IGSF3: variants seen among roughly 807,000 people sequenced by gnomAD.
IGSF3 encodes glu-Trp-Ile EWI motif-containing protein 3.
In IGSF3, 23 loss-of-function variants were observed where a neutral mutation model predicts 114.4. The observed-to-expected ratio is 0.20, with a 90% CI of 0.14 to 0.28. IGSF3 has a LOEUF of 0.28. Ranked by LOEUF, IGSF3 falls within the 10% of genes least tolerant of loss-of-function variation. The probability of loss-of-function intolerance (pLI) is 1.00; values close to 1 mark genes in which losing one functional copy is unlikely to be tolerated. For missense variants in IGSF3, 1,172 were observed against 1,591.5 expected (o/e 0.74, Z 4.48); for synonymous variants, 571 against 645.2 (o/e 0.88, Z 1.74).
At chr1:116,645,278 C>G (rs1226528096) in intron 2 of IGSF3, among the ~76,000 whole-genome samples, 1 of 152,216 alleles carries the variant, frequency 6.6e-6, no homozygotes, top group African/African-American at 2.4e-5. Flanking sequence ...TGTAGGATGC[C>G]ATGTGCATCA....
rs1322126037 is a variant in IGSF3 at position 116,576,776 on chromosome 1, G to A, written c.*536C>T. ...ACACTACACACAATTCTTAAGTCTT[G>A]TTAAGAAAGTAAAAAACGTTTGGGT... On this transcript the variant is annotated 3_prime_UTR_variant, in exon 11 of 11. Transcript: ENST00000369486. The surrounding 1 kb of genome is among the most constrained non-coding windows in gnomAD (Gnocchi z 4.6). The A allele has an allele frequency of 3.3e-5, 5 of 153,488 alleles. No homozygotes were observed. The highest frequency in any genetic ancestry group is 1.2e-4 in the African/African-American group (5 of 41,422). 9.5% of individuals were successfully genotyped at this position (153,488 alleles called of 1,614,324 possible). A position where few individuals can be genotyped will look rare whatever the true frequency, so the allele number is the denominator to read the frequency against.
At position 116,636,748 on chromosome 1, in the gene IGSF3, T is replaced by C. The variant is rs1373052387; in HGVS notation, c.44-20291A>G. 6.6e-6 allele frequency among the ~76,000 whole-genome samples: 1 copy of C among 152,050 alleles called. No homozygotes were observed. On this transcript the variant is annotated intron_variant, in intron 2 of 10. Coordinates refer to ENST00000369486, the MANE Select transcript of IGSF3 (RefSeq NM_001007237.3). The surrounding 1 kb of genome is among the most constrained non-coding windows in gnomAD (Gnocchi z 4.5). The stretch of plus-strand genomic sequence containing the variant: ...GCCCTCCTTCTGTCCCACCCAGCTT[T>C]CTCACCACCCACCCCACCCCTTCCA...
chr1:116,610,632 T>A lies in IGSF3; in HGVS notation c.833-2301A>T, dbSNP rs1660984351. ...AGCAGGTTGAGGCCTCTGAGCCTGCTCCATGATCCCTTCTCTCCTGCTCTT... is the reference window on the plus strand; with the variant it reads ...AGCAGGTTGAGGCCTCTGAGCCTGCACCATGATCCCTTCTCTCCTGCTCTT... On this transcript the variant is annotated intron_variant, in intron 4 of 10. Transcript: ENST00000369486. The surrounding 1 kb of genome is among the most constrained non-coding windows in gnomAD (Gnocchi z 4.3). 1.3e-5 allele frequency among the ~76,000 whole-genome samples: 2 copies of A among 152,128 alleles called. No individual in the cohort carries two copies. Among genetic ancestry groups the A allele is most frequent in the Admixed American group, 6.5e-5 (1 of 15,288 alleles).
At chr1:116,663,314 G>A (rs369125109) in intron 2 of IGSF3, among the ~76,000 whole-genome samples, 1 of 152,168 alleles carries the variant, frequency 6.6e-6, no homozygotes, top group African/African-American at 2.4e-5. Flanking sequence ...CATGCAGGCT[G>A]CTCCCAGACA....
chr1:116,620,081 T>G (rs1297090480), intron 2 of IGSF3, among the ~76,000 whole-genome samples: 3 of 152,214 alleles, frequency 2.0e-5, no homozygotes, highest in African/African-American at 4.8e-5. Flanking sequence ...AGTATTTATA[T>G]ATATATACAT....
In IGSF3 at chr1:116,605,826, GAAGA is replaced by G; in HGVS notation, c.1223-1805_1223-1802del. Among the ~76,000 whole-genome samples, 1 of 152,236 alleles carries G rather than the reference GAAGA, an allele frequency of 6.6e-6. No individual in the cohort carries two copies. The highest frequency in any genetic ancestry group is 1.5e-5 in the Non-Finnish European group (1 of 68,036). ...AAAATCCTTTCACTTGTATTAAGCAGAAGAATGACTTGCAGGACCTCACTCTCAT... is the reference window on the plus strand; with the variant it reads ...AAAATCCTTTCACTTGTATTAAGCAGATGACTTGCAGGACCTCACTCTCAT... On this transcript the variant is annotated intron_variant, in intron 5 of 10. Transcript: ENST00000369486. This position sits in a 1 kb window ranked among gnomAD's most constrained non-coding sequence, Gnocchi z 5.1.
In IGSF3 at chr1:116,626,272, A is replaced by G. The variant is rs368018368; in HGVS notation, c.44-9815T>C. 2.2e-3 allele frequency among the ~76,000 whole-genome samples: 341 copies of G among 152,216 alleles called. 1 individual carries two copies. The highest frequency in any genetic ancestry group is 7.8e-3 in the African/African-American group (323 of 41,498). On this transcript the variant is annotated intron_variant, in intron 2 of 10. Transcript: ENST00000369486. ...AGACTTAAAAAAAAAATGCTTTTATATCCAGATATATGTAACCACTGAAAA... is the reference window on the plus strand; with the variant it reads ...AGACTTAAAAAAAAAATGCTTTTATGTCCAGATATATGTAACCACTGAAAA...
rs1194966271 is a variant in IGSF3 at position 116,654,592 on chromosome 1, T to C, written c.43+11692A>G. On this transcript the variant is annotated intron_variant, in intron 2 of 10. Transcript: ENST00000369486. The surrounding 1 kb of genome is among the most constrained non-coding windows in gnomAD (Gnocchi z 4.4). ...GGAGGCCACACTGCAGGAGGCAAAGTATGAGGTGGGGAAGATGGATTGGCC... is the reference window on the plus strand; with the variant it reads ...GGAGGCCACACTGCAGGAGGCAAAGCATGAGGTGGGGAAGATGGATTGGCC... Among the ~76,000 whole-genome samples, 2 of 152,088 alleles carry C rather than the reference T, an allele frequency of 1.3e-5. No homozygotes were observed. The highest frequency in any genetic ancestry group is 2.1e-4 in the South Asian group (1 of 4,826).
At chr1:116,667,021 C>T (rs1370515215) in intron 1 of IGSF3, 65 bp from the exon 2 acceptor site, 1 of 396,454 alleles carries the variant, frequency 2.5e-6, no homozygotes, top group Admixed American at 4.4e-5. Flanking sequence ...GGGCTGAGCG[C>T]TGAGCTGGTC....
rs1280319329 is a variant in IGSF3 at position 116,634,788 on chromosome 1, GGCT to G, written c.44-18334_44-18332del. On this transcript the variant is annotated intron_variant, in intron 2 of 10. Coordinates refer to ENST00000369486, the MANE Select transcript of IGSF3 (RefSeq NM_001007237.3). This position sits in a 1 kb window ranked among gnomAD's most constrained non-coding sequence, Gnocchi z 4.2. ...TAGAAGTGACACTCTGTGACCTTAA[GGCT>G]AGGTCACAAACAGGGAACGCAGCTT... 2.1e-4 allele frequency among the ~76,000 whole-genome samples: 32 copies of G among 152,204 alleles called. No homozygotes were observed. Among genetic ancestry groups the G allele is most frequent in the African/African-American group, 7.7e-4 (32 of 41,528 alleles).
Position 116,603,870 on chromosome 1 carries a change from T to C in IGSF3, c.1378A>G (p.Ile460Val), listed in dbSNP as rs1211234475. 6.2e-7 allele frequency: 1 copy of C among 1,614,052 alleles called. No homozygotes were observed. Residue 460 changes from isoleucine (I) to valine (V), a missense_variant, in exon 6 of 11, where the codon ATC becomes GTC. By Grantham distance (29) the Ile-to-Val change is conservative. Around this residue, in one of 3 missense-constraint regions of IGSF3, gnomAD observed 736 missense variants for 1,042.0 expected, o/e 0.71. Transcript: ENST00000369486. The surrounding 1 kb of genome is among the most constrained non-coding windows in gnomAD (Gnocchi z 7.1). Reference protein sequence around the residue: ...LVDRQNRRSNIMWLDRDGTVQ... With the variant: ...LVDRQNRRSNVMWLDRDGTVQ... ...GTGCCATCCCGGTCTAGCCACATGA[T>C]ATTGCTGCGGCGGTTCTGCCTGTCC...
rs1392095826 is a variant in IGSF3, at chr1:116,636,073, GTCT to G, written c.44-19619_44-19617del. ...TACACCTCCACTCGCCAGAACAACT[GTCT>G]TCCTCACAGGTGCCAGCCATCACCC... is the stretch of plus-strand genomic sequence containing the variant. On this transcript the variant is annotated intron_variant, in intron 2 of 10. Coordinates refer to ENST00000369486, the MANE Select transcript of IGSF3 (RefSeq NM_001007237.3). The surrounding 1 kb of genome is among the most constrained non-coding windows in gnomAD (Gnocchi z 4.5). 1.3e-5 allele frequency among the ~76,000 whole-genome samples: 2 copies of G among 152,144 alleles called. No individual in the cohort carries two copies. The highest frequency in any genetic ancestry group is 4.8e-5 in the African/African-American group (2 of 41,420).
rs200837113 is a variant in IGSF3 at position 116,579,659 on chromosome 1, C to T, written c.3067G>A (p.Asp1023Asn). Residue 1023 changes from aspartate (D) to asparagine (N), a missense_variant, in exon 10 of 11, where the codon GAC becomes AAC. Coordinates refer to ENST00000369486, the MANE Select transcript of IGSF3 (RefSeq NM_001007237.3). This position sits in a 1 kb window ranked among gnomAD's most constrained non-coding sequence, Gnocchi z 6.4. ...GTCCGCTCTGTTGGGTCGTCGTCGT[C>T]GTCGTCGTCCTCCTCCTCCTCCTCC... The part of the protein sequence containing the change: ...REEEEEEDDD[D>N]DDDPTERTAL... 1.7e-5 allele frequency: 27 copies of T among 1,584,986 alleles called. No homozygotes were observed. Among genetic ancestry groups the T allele is most frequent in the African/African-American group, 6.8e-5 (5 of 72,996 alleles).
chr1:116,642,722 G>A lies in IGSF3; in HGVS notation c.43+23562C>T, dbSNP rs1648165117. 6.6e-6 allele frequency among the ~76,000 whole-genome samples: 1 copy of A among 152,346 alleles called. No homozygotes were observed. Among genetic ancestry groups the A allele is most frequent in the African/African-American group, 2.4e-5 (1 of 41,578 alleles). On this transcript the variant is annotated intron_variant, in intron 2 of 10. Coordinates refer to ENST00000369486, the MANE Select transcript of IGSF3 (RefSeq NM_001007237.3). The surrounding 1 kb of genome is among the most constrained non-coding windows in gnomAD (Gnocchi z 5.4). The stretch of plus-strand genomic sequence containing the variant: ...CTTGGCTGCCAGCAGGTGCAGCGCT[G>A]CCCTGGGATACCAGCTCCTGGGATG...
chr1:116,617,606 G>A (rs1661271828), intron 2 of IGSF3, among the ~76,000 whole-genome samples: 1 of 152,202 alleles, frequency 6.6e-6, no homozygotes, highest in South Asian at 2.1e-4. Flanking sequence ...TATTAACTGT[G>A]ATCTTGGATA....
chr1:116,601,107 C>A (rs1660559731), intron 6 of IGSF3, among the ~76,000 whole-genome samples: 1 of 152,200 alleles, frequency 6.6e-6, no homozygotes, highest in African/African-American at 2.4e-5. Context: ...TGAGCACTAT[C>A]TAGGTGCAAG....
intron 4 of IGSF3, among the ~76,000 whole-genome samples, chr1:116,613,217 G>A (rs2101489854): frequency 6.6e-6 from 1 of 152,246 alleles, no homozygotes; most frequent in Admixed American, 6.5e-5. Context: ...AGTAATATGT[G>A]ATAAAGCATT....
rs555296975 is a variant in IGSF3, at chr1:116,616,908, G to A, written c.44-451C>T. On this transcript the variant is annotated intron_variant, in intron 2 of 10. Transcript: ENST00000369486. The surrounding 1 kb of genome is among the most constrained non-coding windows in gnomAD (Gnocchi z 6.6). ...TAAATGCTTCTTCCTTGGTCTGAGC[G>A]CTGGTGGGAGGGAGTCCTGGGAGCA... Among the ~76,000 whole-genome samples the A allele has an allele frequency of 3.9e-5, 6 of 152,304 alleles. No individual in the cohort carries two copies. The highest frequency in any genetic ancestry group is 5.9e-5 in the Non-Finnish European group (4 of 68,022).
In IGSF3 at chr1:116,610,470, C is replaced by G. The variant is rs1056826197; in HGVS notation, c.833-2139G>C. On this transcript the variant is annotated intron_variant, in intron 4 of 10. Coordinates refer to ENST00000369486, the MANE Select transcript of IGSF3 (RefSeq NM_001007237.3). This position sits in a 1 kb window ranked among gnomAD's most constrained non-coding sequence, Gnocchi z 4.3. ...GCCCTTGGTTATGCCCAGTCAATTA[C>G]ATCTCTAGAAACTGACCTGTGCTTT... 6.6e-6 allele frequency among the ~76,000 whole-genome samples: 1 copy of G among 152,182 alleles called. No homozygotes were observed. Among genetic ancestry groups the G allele is most frequent in the African/African-American group, 2.4e-5 (1 of 41,424 alleles).
Sources: allele counts gnomAD v4.1 joint callset (sites outside exome capture counted in the v4.1 genomes callset), GRCh38; gene constraint gnomAD v4.1.1; regional missense constraint gnomAD v4.1.1; non-coding constraint Gnocchi (gnomAD v3.1); transcripts MANE v1.5; gene names NCBI Gene and HGNC (gene_info 2026-07-23, HGNC 2026-07-21).